The following CNBD1 variants were observed in gnomAD, a reference collection of about 807,000 sequenced individuals.
CNBD1 encodes the protein cyclic nucleotide-binding domain-containing protein 1.
Under a neutral mutation model 54.4 loss-of-function variants are expected in CNBD1, and 71 were observed. The ratio of observed to expected loss-of-function variants is 1.30; its 90% CI spans 1.08 to 1.59. CNBD1 has a LOEUF of 1.59. Among genes scored for constraint, CNBD1 ranks in the 40% most tolerant of loss-of-function variants. The pLI, the probability that CNBD1 is intolerant of heterozygous loss-of-function variation, is 0.00. For missense variants in CNBD1, 659 were observed against 518.0 expected (o/e 1.27, Z -2.64); for synonymous variants, 182 against 170.7 (o/e 1.07, Z -0.51).
At chr8:87,293,023 G>A (rs1482681668) in intron 8 of CNBD1, among the ~76,000 whole-genome samples, 3 of 152,068 alleles carry the variant, frequency 2.0e-5, no homozygotes, top group East Asian at 1.9e-4. Flanking sequence ...AAGTTAGATC[G>A]CAAGAGTCTG....
chr8:87,054,935 T>A (rs1055153349), intron 4 of CNBD1, among the ~76,000 whole-genome samples: 1 of 152,200 alleles, frequency 6.6e-6, no homozygotes, highest in South Asian at 2.1e-4. Context: ...GGCTTTTAAC[T>A]GACTGATGGG....
chr8:87,234,239 GT>G lies in CNBD1; in HGVS notation c.578-2679del, dbSNP rs374435922. Among the ~76,000 whole-genome samples, 192 of 152,224 alleles carry G rather than the reference GT, an allele frequency of 1.3e-3. 1 individual carries two copies. Among genetic ancestry groups the G allele is most frequent in the African/African-American group, 4.2e-3 (175 of 41,534 alleles). On this transcript the variant is annotated intron_variant, in intron 5 of 10. Transcript: ENST00000518476. ...AATCAACTTTTCCAAACTCCTGTTA[GT>G]GTTGATATTTTGACCTCCTCTCATG... is the stretch of plus-strand genomic sequence containing the variant.
Position 87,006,934 on chromosome 8 carries a change from C to T in CNBD1, c.431+67180C>T, listed in dbSNP as rs577296510. On this transcript the variant is annotated intron_variant, in intron 4 of 10. Transcript: ENST00000518476. ...CTTATTGGCCGGGTGCCGCGGCTCA[C>T]GCCTGTAATCCCAGGACTTTGGGAG... Among the ~76,000 whole-genome samples, 14 of 152,354 alleles carry T rather than the reference C, an allele frequency of 9.2e-5. No homozygotes were observed. In the South Asian group the frequency reaches 1.9e-3, roughly 20 times the overall value.
intron 10 of CNBD1, among the ~76,000 whole-genome samples, chr8:87,362,704 C>G (rs1034874544): frequency 6.6e-6 from 1 of 152,016 alleles, no homozygotes; most frequent in Non-Finnish European, 1.5e-5. Flanking sequence ...AAAGACCAGG[C>G]AGCCATTCGA....
At chr8:87,018,618 T>G (rs188410297) in intron 4 of CNBD1, among the ~76,000 whole-genome samples, 70 of 152,304 alleles carry the variant, frequency 4.6e-4, no homozygotes, top group Non-Finnish European at 8.8e-4. Context: ...CTATAAATGT[T>G]ATTTATCTCT....
chr8:87,364,521 C>T (rs1388135833), intron 10 of CNBD1, among the ~76,000 whole-genome samples: 1 of 151,392 alleles, frequency 6.6e-6, no homozygotes, highest in Non-Finnish European at 1.5e-5. Context: ...TTCAGAAGTA[C>T]ATGTGCAAGT....
chr8:87,081,489 A>G (rs1468782196), intron 4 of CNBD1, among the ~76,000 whole-genome samples: 2 of 147,284 alleles, frequency 1.4e-5, no homozygotes, highest in East Asian at 2.0e-4. Flanking sequence ...TGGGTGGACT[A>G]TTTTTTGTTT....
At chr8:87,310,122 A>G (rs1396169298) in intron 8 of CNBD1, among the ~76,000 whole-genome samples, 2 of 152,156 alleles carry the variant, frequency 1.3e-5, no homozygotes, top group Admixed American at 6.6e-5. Flanking sequence ...TGGGAGGCCA[A>G]AGTGAGAGGA....
At chr8:87,105,228 A>C (rs1811508917) in intron 4 of CNBD1, among the ~76,000 whole-genome samples, 1 of 152,332 alleles carries the variant, frequency 6.6e-6, no homozygotes, top group African/African-American at 2.4e-5. Context: ...GAAAATGATG[A>C]AAGTAATTAA....
chr8:87,069,523 A>G lies in CNBD1; in HGVS notation c.431+129769A>G, dbSNP rs144207334. Among the ~76,000 whole-genome samples, 396 of 152,214 alleles carry G rather than the reference A, an allele frequency of 2.6e-3. 2 individuals carry two copies. The highest frequency in any genetic ancestry group is 8.8e-3 in the African/African-American group (366 of 41,552). On this transcript the variant is annotated intron_variant, in intron 4 of 10. Coordinates refer to ENST00000518476, the MANE Select transcript of CNBD1 (RefSeq NM_173538.3). ...GTCCAGGAGCAATAGGCTATACCAT[A>G]TAGCCTAGGTGTATAGTAGGATATA... is the stretch of plus-strand genomic sequence containing the variant.
chr8:87,396,502 C>T (rs1393229859), intron 2 of CNBD1, among the ~76,000 whole-genome samples: 1 of 151,742 alleles, frequency 6.6e-6, no homozygotes, highest in Non-Finnish European at 1.5e-5. Flanking sequence ...GGTAAGTCTT[C>T]CGTGGCACAG....
intron 1 of CNBD1, among the ~76,000 whole-genome samples, chr8:86,871,955 A>G (rs1307033208): frequency 1.3e-5 from 2 of 152,200 alleles, no homozygotes; most frequent in African/African-American, 2.4e-5. Flanking sequence ...CCTGTAAGAA[A>G]TCTCTCAATT....
chr8:86,938,554 AG>A (rs1809592193), intron 3 of CNBD1, among the ~76,000 whole-genome samples: 1 of 152,230 alleles, frequency 6.6e-6, no homozygotes, highest in African/African-American at 2.4e-5. Flanking sequence ...TGTCTTACAT[AG>A]GAGCAGGCAA....
intron 10 of CNBD1, among the ~76,000 whole-genome samples, chr8:87,370,687 C>A (rs954386906): frequency 2.3e-4 from 34 of 150,878 alleles, no homozygotes; most frequent in Non-Finnish European, 4.4e-4. Context: ...TGCCTGTTCA[C>A]TCTGATGGTA....
intron 4 of CNBD1, among the ~76,000 whole-genome samples, chr8:87,077,107 G>A (rs1170554077): frequency 6.6e-6 from 1 of 152,158 alleles, no homozygotes; most frequent in East Asian, 1.9e-4. Flanking sequence ...TCTCAGAAGA[G>A]GGAGGGCAAA....
rs185557638 is a variant in CNBD1 at position 87,090,389 on chromosome 8, A to G, written c.432-115604A>G. On this transcript the variant is annotated intron_variant, in intron 4 of 10. Coordinates refer to ENST00000518476, the MANE Select transcript of CNBD1 (RefSeq NM_173538.3). Reference sequence around the variant, plus strand: ...TGACTTAATAGTACAGTGTTCACCAATATCCTATGATGATGAGGAAGTGAT... The same window carrying G: ...TGACTTAATAGTACAGTGTTCACCAGTATCCTATGATGATGAGGAAGTGAT... Among the ~76,000 whole-genome samples, 217 of 152,320 alleles carry G rather than the reference A, an allele frequency of 1.4e-3. 2 individuals carry two copies. The highest frequency in any genetic ancestry group is 4.5e-3 in the African/African-American group (189 of 41,584).
chr8:87,069,884 C>G (rs751882354), intron 4 of CNBD1, among the ~76,000 whole-genome samples: 5 of 151,998 alleles, frequency 3.3e-5, no homozygotes, highest in Non-Finnish European at 7.4e-5. Flanking sequence ...GTTCATGAAT[C>G]CAGTTACTCA....
At chr8:87,190,340 C>T (rs1169589093) in intron 4 of CNBD1, among the ~76,000 whole-genome samples, 2 of 152,142 alleles carry the variant, frequency 1.3e-5, no homozygotes, top group Non-Finnish European at 2.9e-5. Context: ...ACGTAGGAGA[C>T]TCCCAGTTGT....
chr8:87,388,309 C>A (rs1430268853), intron 2 of CNBD1, among the ~76,000 whole-genome samples: 1 of 152,028 alleles, frequency 6.6e-6, no homozygotes, highest in Non-Finnish European at 1.5e-5. Context: ...ATCAATGAAT[C>A]CAGGAGCTGG....
Sources: allele counts gnomAD v4.1 joint callset (sites outside exome capture counted in the v4.1 genomes callset), GRCh38; gene constraint gnomAD v4.1.1; transcripts MANE v1.5; gene names NCBI Gene and HGNC (gene_info 2026-07-23, HGNC 2026-07-21).